Variants in ARHGAP18 observed in about 807,000 individuals in gnomAD.
ARHGAP18 encodes the protein rho GTPase-activating protein 18.
ARHGAP18 carries 67 observed loss-of-function variants against 86.2 expected under a neutral mutation model. That is an observed-to-expected ratio of 0.78 (90% CI 0.64 to 0.95). ARHGAP18 has a LOEUF of 0.95. Among genes scored for constraint, ARHGAP18 ranks in the 40% least tolerant of loss-of-function variants. The pLI is 0.00. For missense variants in ARHGAP18, 691 were observed against 780.4 expected, an observed-to-expected ratio of 0.89 and a Z score of 1.37; for synonymous variants, 283 against 280.4, an observed-to-expected ratio of 1.01 and a Z score of -0.09.
At chr6:129,657,773 C>A (rs1401471486) in intron 1 of ARHGAP18, among the ~76,000 whole-genome samples, 2 of 152,166 alleles carry the variant, frequency 1.3e-5, no homozygotes, top group African/African-American at 4.8e-5. Flanking sequence ...CCTGCAGAAA[C>A]AGTTTTTGCA....
intron 1 of ARHGAP18, among the ~76,000 whole-genome samples, chr6:129,660,288 G>A (rs1024818913): frequency 5.3e-5 from 8 of 152,206 alleles, no homozygotes; most frequent in African/African-American, 1.9e-4. Context: ...TAAACAGATC[G>A]CTGAGCGATG....
At chr6:129,638,276 T>C in intron 3 of ARHGAP18, 118 bp downstream of exon 3, 1 of 1,006,036 alleles carries the variant, frequency 9.9e-7, no homozygotes, top group East Asian at 2.5e-5. Flanking sequence ...CATAGAGCTT[T>C]GGTGCCTGGC....
chr6:129,641,635 CA>C (rs1249871609), intron 2 of ARHGAP18, among the ~76,000 whole-genome samples, 180 bp downstream of exon 2: 1 of 152,188 alleles, frequency 6.6e-6, no homozygotes, highest in African/African-American at 2.4e-5. Flanking sequence ...TTACTTATGC[CA>C]CTTGTATCTG....
intron 2 of ARHGAP18, among the ~76,000 whole-genome samples, chr6:129,639,932 C>T (rs531682061): frequency 2.3e-4 from 35 of 150,538 alleles, no homozygotes; most frequent in African/African-American, 8.1e-4. Context: ...GTAATCCCAG[C>T]TACTAGGGAG....
At chr6:129,643,986 T>G (rs975915903) in intron 1 of ARHGAP18, among the ~76,000 whole-genome samples, 13 of 152,240 alleles carry the variant, frequency 8.5e-5, no homozygotes, top group African/African-American at 2.7e-4. Context: ...GCCAGTTTTA[T>G]TCCTTTAAAG....
In ARHGAP18 at chr6:129,583,985, T is replaced by C; in HGVS notation, c.1838+3A>G. On this transcript the variant is annotated splice_donor_region_variant and intron_variant, in intron 13 of 14. Coordinates refer to ENST00000368149, the MANE Select transcript of ARHGAP18 (RefSeq NM_033515.3). ...GCATAATTAACACAAAACAGGCCTC[T>C]ACCTTTCTTGGCTGAGAAACCTGGC... The C allele has an allele frequency of 6.2e-7, 1 of 1,610,952 alleles. No individual in the cohort carries two copies. Among genetic ancestry groups the C allele is most frequent in the Non-Finnish European group, 8.5e-7 (1 of 1,178,006 alleles).
At position 129,580,096 on chromosome 6, in the gene ARHGAP18, A is replaced by G; in HGVS notation, c.1874T>C (p.Phe625Ser). 3 of 1,613,814 alleles carry G rather than the reference A, an allele frequency of 1.9e-6. No homozygotes were observed. The highest frequency in any genetic ancestry group is 2.5e-6 in the Non-Finnish European group (3 of 1,179,818). ...VAQTLKKGEV[F>S]LYEIGGNIGE... The stretch of plus-strand genomic sequence containing the variant: ...AATATTTCCTCCAATTTCATACAAA[A>G]AAACTTCTCCTTTCTTGAGAGTCTG... The change falls in exon 14 of 15, where the codon TTT becomes TCT. Residue 625 changes from phenylalanine (F) to serine (S), a missense_variant. By Grantham distance (155) the Phe-to-Ser change is radical (BLOSUM62 -2). Coordinates refer to ENST00000368149, the MANE Select transcript of ARHGAP18 (RefSeq NM_033515.3).
At chr6:129,616,173 G>A in intron 7 of ARHGAP18, 39 bp downstream of exon 7, 3 of 1,463,114 alleles carry the variant, frequency 2.1e-6, no homozygotes, top group Non-Finnish European at 2.8e-6. Context: ...ATTAGCTTAA[G>A]TATGTTCTCT....
At chr6:129,625,958 T>C (rs1317264232) in intron 5 of ARHGAP18, among the ~76,000 whole-genome samples, 1 of 87,014 alleles carries the variant, frequency 1.1e-5, no homozygotes, top group Non-Finnish European at 2.4e-5. Flanking sequence ...TTATATATTA[T>C]ATATTTATAT....
intron 5 of ARHGAP18, among the ~76,000 whole-genome samples, chr6:129,621,853 T>G (rs1362274733): frequency 6.6e-6 from 1 of 152,186 alleles, no homozygotes; most frequent in African/African-American, 2.4e-5. Context: ...GTGGGGAAAC[T>G]GAGACTCAGT....
chr6:129,640,042 C>CAAAAAAAAAAAAAA (rs374771260), intron 2 of ARHGAP18, among the ~76,000 whole-genome samples: 2 of 72,858 alleles, frequency 2.7e-5, no homozygotes, highest in Middle Eastern at 8.6e-3. Context: ...GAGACTGTCT[C>CAAAAAAAAAAAAAA]AAAAAAAAAA....
chr6:129,588,809 T>A (rs1462144710), intron 12 of ARHGAP18, among the ~76,000 whole-genome samples: 1 of 152,210 alleles, frequency 6.6e-6, no homozygotes, highest in Non-Finnish European at 1.5e-5. Flanking sequence ...TTTCTATACA[T>A]CCTCTAAAAT....
At chr6:129,680,804 G>T (rs1288483587) in intron 1 of ARHGAP18, among the ~76,000 whole-genome samples, 1 of 152,244 alleles carries the variant, frequency 6.6e-6, no homozygotes, top group African/African-American at 2.4e-5. Flanking sequence ...GAGCCTAAAA[G>T]CCTAAAGGCA....
chr6:129,621,445 C>T (rs1344147464), intron 5 of ARHGAP18, among the ~76,000 whole-genome samples: 4 of 152,124 alleles, frequency 2.6e-5, no homozygotes, highest in Non-Finnish European at 5.9e-5. Context: ...AGCAAATTTC[C>T]AGCAGGGGGC....
At chr6:129,705,307 A>G (rs1774785674) in intron 1 of ARHGAP18, among the ~76,000 whole-genome samples, 1 of 152,218 alleles carries the variant, frequency 6.6e-6, no homozygotes, top group Non-Finnish European at 1.5e-5. Flanking sequence ...TCCATTTGGC[A>G]TGCTGGGCAG....
At chr6:129,629,598 C>T (rs926151556) in intron 4 of ARHGAP18, 76 bp from the exon 5 acceptor site, 19 of 1,443,916 alleles carry the variant, frequency 1.3e-5, no homozygotes, top group Non-Finnish European at 1.6e-5. Context: ...GCATTCGCTA[C>T]ATAAAAACAT....
At chr6:129,667,107 AT>A (rs1214936739) in intron 1 of ARHGAP18, among the ~76,000 whole-genome samples, 9 of 151,992 alleles carry the variant, frequency 5.9e-5, no homozygotes, top group South Asian at 2.1e-4. Flanking sequence ...TTATAAACTC[AT>A]TTTTTTTAAT....
At chr6:129,691,137 G>C (rs1378861071) in intron 1 of ARHGAP18, among the ~76,000 whole-genome samples, 1 of 152,150 alleles carries the variant, frequency 6.6e-6, no homozygotes, top group African/African-American at 2.4e-5. Context: ...AAATGAGATG[G>C]GGAAGAAGCA....
intron 12 of ARHGAP18, among the ~76,000 whole-genome samples, chr6:129,588,805 T>C (rs1194257700): frequency 6.6e-6 from 1 of 152,262 alleles, no homozygotes; most frequent in Non-Finnish European, 1.5e-5. Context: ...GGCATTTCTA[T>C]ACATCCTCTA....
Sources: gnomAD v4.1 joint callset for allele counts (sites outside exome capture counted in the v4.1 genomes callset) on GRCh38, gnomAD v4.1.1 for gene constraint, MANE v1.5 for transcripts, NCBI Gene and HGNC (gene_info 2026-07-23, HGNC 2026-07-21) for gene names.